Variants in ARMH3 observed in about 807,000 individuals in gnomAD.
The protein encoded by ARMH3 is armadillo-like helical domain-containing protein 3.
A neutral mutation model predicts 99.1 loss-of-function variants in ARMH3; 60 were observed. That is an observed-to-expected ratio of 0.61 (90% CI 0.49 to 0.75). The LOEUF (loss-of-function observed/expected upper bound fraction) is 0.75, where lower values mean the gene tolerates loss of function less well. Among genes scored for constraint, ARMH3 ranks in the 30% least tolerant of loss-of-function variants. The probability of loss-of-function intolerance (pLI) is 0.00; values close to 1 mark genes in which losing one functional copy is unlikely to be tolerated. For missense variants in ARMH3, 679 were observed against 843.1 expected (o/e 0.81, Z 2.41); for synonymous variants, 285 against 292.8 (o/e 0.97, Z 0.27).
At chr10:101,984,663 C>A (rs185826043) in intron 19 of ARMH3, among the ~76,000 whole-genome samples, 21 of 152,180 alleles carry the variant, frequency 1.4e-4, no homozygotes, top group Non-Finnish European at 2.4e-4. Context: ...AGATTCTGTT[C>A]CTGTCTCCAC....
At chr10:101,983,637 TA>T (rs1846328502) in intron 19 of ARMH3, among the ~76,000 whole-genome samples, 1 of 152,164 alleles carries the variant, frequency 6.6e-6, no homozygotes, top group African/African-American at 2.4e-5. Context: ...TCTGGATAGC[TA>T]AACACATGGA....
At chr10:101,922,388 G>A (rs1042522704) in intron 23 of ARMH3, among the ~76,000 whole-genome samples, 2 of 152,034 alleles carry the variant, frequency 1.3e-5, no homozygotes, top group African/African-American at 4.8e-5. Context: ...GACTATTACA[G>A]GTGCATACCA....
intron 23 of ARMH3, among the ~76,000 whole-genome samples, chr10:101,936,448 C>T (rs888132248): frequency 2.7e-5 from 4 of 147,490 alleles, no homozygotes; most frequent in African/African-American, 7.6e-5. Flanking sequence ...GTACAGATCA[C>T]GCCACTGCAC....
chr10:101,940,542 G>C (rs939187892), intron 22 of ARMH3, among the ~76,000 whole-genome samples: 2 of 151,836 alleles, frequency 1.3e-5, no homozygotes, highest in Non-Finnish European at 2.9e-5. Context: ...ATGTTGGTGT[G>C]CTGCACCCAA....
chr10:102,002,876 G>C (rs1283139290), intron 14 of ARMH3, among the ~76,000 whole-genome samples: 9 of 151,674 alleles, frequency 5.9e-5, no homozygotes, highest in Admixed American at 5.9e-4. Context: ...CAGGAGAATT[G>C]CTTGAAACCG....
intron 23 of ARMH3, among the ~76,000 whole-genome samples, chr10:101,930,853 A>C (rs1843694182): frequency 6.6e-6 from 1 of 152,244 alleles, no homozygotes; most frequent in Non-Finnish European, 1.5e-5. Flanking sequence ...ATAAACATGT[A>C]TATAGCACTG....
intron 19 of ARMH3, among the ~76,000 whole-genome samples, chr10:101,989,231 A>G (rs1241002542): frequency 2.0e-5 from 3 of 152,210 alleles, no homozygotes; most frequent in Non-Finnish European, 2.9e-5. Context: ...TAAGGTTTAA[A>G]CTTTATTAAA....
chr10:102,033,649 ACCT>A (rs1429850500), intron 2 of ARMH3, among the ~76,000 whole-genome samples: 1 of 152,046 alleles, frequency 6.6e-6, no homozygotes, highest in African/African-American at 2.4e-5. Context: ...TGATCTCCTG[ACCT>A]CATGATCCGC....
At position 101,939,888 on chromosome 10, in the gene ARMH3, C is replaced by G. The variant is rs1337478976; in HGVS notation, c.1756G>C (p.Val586Leu). 1 of 1,613,698 alleles carries G rather than the reference C, an allele frequency of 6.2e-7. No homozygotes were observed. Among genetic ancestry groups the G allele is most frequent in the Non-Finnish European group, 8.5e-7 (1 of 1,179,962 alleles). The change falls in exon 23 of 26, where the codon GTG becomes CTG. Residue 586 changes from valine to leucine, a missense_variant. This residue lies in a region of ARMH3 where 389 missense variants were observed against 456.5 expected (regional missense o/e 0.85). Transcript: ENST00000370033. The stretch of plus-strand genomic sequence containing the variant: ...CTGATATTAACCAATGCATGGGTCA[C>G]CTTGCTAGCTGCTTCCTTCCACTGG... The part of the protein sequence containing the change: ...AGQWKEAASK[V>L]THALVNIRAI...
intron 23 of ARMH3, among the ~76,000 whole-genome samples, chr10:101,930,093 T>C (rs1049635041): frequency 2.6e-5 from 4 of 152,026 alleles, no homozygotes; most frequent in African/African-American, 9.7e-5. Context: ...GCAAACTGAG[T>C]CCTGCAAAAT....
intron 24 of ARMH3, among the ~76,000 whole-genome samples, chr10:101,883,729 T>C (rs543806558): frequency 6.6e-6 from 1 of 152,148 alleles, no homozygotes; most frequent in East Asian, 2.0e-4. Flanking sequence ...CTGGTGCTCA[T>C]GCCTATAACC....
At chr10:102,048,403 A>C (rs1278430972) in intron 1 of ARMH3, among the ~76,000 whole-genome samples, 2 of 152,192 alleles carry the variant, frequency 1.3e-5, no homozygotes, top group Non-Finnish European at 2.9e-5. Context: ...CCATTCACCC[A>C]ATATACAAAG....
chr10:101,873,816 CCTT>C (rs1162126415), intron 24 of ARMH3, among the ~76,000 whole-genome samples: 13 of 152,146 alleles, frequency 8.5e-5, no homozygotes, highest in East Asian at 1.9e-4. Context: ...ATCAGTACCT[CCTT>C]CTTTTTTTAT....
intron 2 of ARMH3, among the ~76,000 whole-genome samples, chr10:102,038,408 A>G (rs1221657865): frequency 6.6e-6 from 1 of 152,262 alleles, no homozygotes; most frequent in South Asian, 2.1e-4. Flanking sequence ...GAATCCTAAT[A>G]GGATCCTAGC....
At chr10:101,908,926 G>C (rs959081750) in intron 23 of ARMH3, among the ~76,000 whole-genome samples, 1 of 151,792 alleles carries the variant, frequency 6.6e-6, no homozygotes, top group African/African-American at 2.4e-5. Flanking sequence ...GCCTCCCAAA[G>C]TGCTGGGATT....
chr10:101,888,005 T>G (rs914529098), intron 24 of ARMH3, among the ~76,000 whole-genome samples: 7 of 151,366 alleles, frequency 4.6e-5, no homozygotes, highest in African/African-American at 1.7e-4. Context: ...CAGCTTGACC[T>G]TCCCAAGCTG....
At chr10:101,865,843 G>A (rs2066989397) in intron 24 of ARMH3, among the ~76,000 whole-genome samples, 1 of 152,082 alleles carries the variant, frequency 6.6e-6, no homozygotes, top group Non-Finnish European at 1.5e-5. Flanking sequence ...GCTCAAGTGT[G>A]ACTATCCACT....
At chr10:101,965,007 A>G (rs556572907) in intron 20 of ARMH3, among the ~76,000 whole-genome samples, 6 of 152,176 alleles carry the variant, frequency 3.9e-5, no homozygotes, top group Admixed American at 6.5e-5. Flanking sequence ...GTGAGACTCC[A>G]TCTCAAAAAA....
chr10:101,912,153 C>T (rs971089921), intron 23 of ARMH3, among the ~76,000 whole-genome samples: 2 of 151,978 alleles, frequency 1.3e-5, no homozygotes, highest in Non-Finnish European at 2.9e-5. Flanking sequence ...CCAGCACTTA[C>T]GGAGGCCGAG....
Sources: gnomAD v4.1 joint callset for allele counts (sites outside exome capture counted in the v4.1 genomes callset) on GRCh38, gnomAD v4.1.1 for gene constraint, gnomAD v4.1.1 regional missense constraint, MANE v1.5 for transcripts, NCBI Gene and HGNC (gene_info 2026-07-23, HGNC 2026-07-21) for gene names.